The following LIG1 variants were observed in gnomAD, a reference collection of about 807,000 sequenced individuals.
LIG1 encodes the protein ligase I, DNA, ATP-dependent.
LIG1 carries 70 observed loss-of-function variants against 115.7 expected under a neutral mutation model. That is an observed-to-expected ratio of 0.60 (90% CI 0.50 to 0.74). The LOEUF (loss-of-function observed/expected upper bound fraction) is 0.74, where lower values mean the gene tolerates loss of function less well. LIG1 is among the 30% of genes least tolerant of loss of function. The pLI, the probability that LIG1 is intolerant of heterozygous loss-of-function variation, is 0.00. For synonymous variants in LIG1, 487 were observed against 495.3 expected, an observed-to-expected ratio of 0.98 and a Z score of 0.22; for missense variants, 1,115 against 1,225.6, an observed-to-expected ratio of 0.91 and a Z score of 1.35.
At chr19:48,133,942 G>A in intron 17 of LIG1, 39 bp downstream of exon 17, 1 of 1,520,332 alleles carries the variant, frequency 6.6e-7, no homozygotes, top group Non-Finnish European at 8.9e-7. Flanking sequence ...GAGGGAGCAG[G>A]GCTGCTGCCA....
chr19:48,126,228 G>A (rs568261828), intron 21 of LIG1, among the ~76,000 whole-genome samples: 1 of 152,154 alleles, frequency 6.6e-6, no homozygotes, highest in East Asian at 1.9e-4. Flanking sequence ...GGGATATGAC[G>A]GCATGTGGCC....
rs2032964569 is a variant in LIG1 at position 48,117,778 on chromosome 19, GC to G, written c.2442del (p.Leu815TrpfsTer12). 3.1e-6 allele frequency: 5 copies of G among 1,612,348 alleles called. No individual in the cohort carries two copies. Among genetic ancestry groups the G allele is most frequent in the South Asian group, 1.1e-5 (1 of 90,494 alleles). On this transcript the variant is annotated frameshift_variant and splice_region_variant, in exon 26 of 28. Coordinates refer to ENST00000263274, the MANE Select transcript of LIG1 (RefSeq NM_000234.3). LOFTEE classifies it high-confidence loss of function. The part of the protein sequence containing the change: ...ELEEHHQSLK[A>X]LVLPSPRPYV... ...TAAGGGCGTGGGCTGGGCAGCACCA[GC>G]GCCTGCAGTGAGCAGAGGAAGAGAG...
At chr19:48,141,871 C>A (rs1232754024) in intron 11 of LIG1, among the ~76,000 whole-genome samples, 1 of 152,238 alleles carries the variant, frequency 6.6e-6, no homozygotes, top group South Asian at 2.1e-4. Flanking sequence ...TGGAACAGCC[C>A]CCCCAAAATT....
intron 16 of LIG1, among the ~76,000 whole-genome samples, chr19:48,134,423 C>T (rs1385726269): frequency 6.6e-6 from 1 of 152,174 alleles, no homozygotes. Context: ...TTTGGGAGGC[C>T]GAGGTGGGTG....
intron 24 of LIG1, 149 bp downstream of exon 24, chr19:48,121,021 A>C (rs1402431009): frequency 6.6e-7 from 1 of 1,518,152 alleles, no homozygotes; most frequent in Non-Finnish European, 8.8e-7. Context: ...TGCTCATAGA[A>C]CCAGAAAAAG....
chr19:48,124,224 T>C (rs1402025273), intron 21 of LIG1, among the ~76,000 whole-genome samples: 6 of 152,244 alleles, frequency 3.9e-5, no homozygotes, highest in Admixed American at 6.5e-5. Context: ...GGACAGCTTT[T>C]TTCTGTTGTA....
intron 21 of LIG1, 68 bp from the exon 22 acceptor site, chr19:48,123,386 G>T: frequency 6.4e-7 from 1 of 1,571,672 alleles, no homozygotes; most frequent in Non-Finnish European, 8.7e-7. Flanking sequence ...AGCCCTAAAT[G>T]TGAGGCGAAC....
intron 21 of LIG1, 104 bp downstream of exon 21, chr19:48,127,173 T>A: frequency 2.2e-6 from 2 of 921,840 alleles, no homozygotes; most frequent in South Asian, 2.6e-5. Context: ...TTCCTGGCCA[T>A]GTGAAGTGGC....
intron 4 of LIG1, among the ~76,000 whole-genome samples, chr19:48,158,010 T>G (rs1330067626): frequency 6.6e-6 from 1 of 152,198 alleles, no homozygotes; most frequent in Non-Finnish European, 1.5e-5. Context: ...CTTCCTCTCC[T>G]GGTTCACATG....
At chr19:48,152,735 G>C (rs1029162348) in intron 6 of LIG1, among the ~76,000 whole-genome samples, 1 of 152,172 alleles carries the variant, frequency 6.6e-6, no homozygotes, top group African/African-American at 2.4e-5. Context: ...CAATGACATT[G>C]CATCTCTGCA....
At position 48,135,781 on chromosome 19, in the gene LIG1, TAAGAA is replaced by T. The variant is rs768295114; in HGVS notation, c.1424-7_1424-3del. 4 of 1,613,142 alleles carry T rather than the reference TAAGAA, an allele frequency of 2.5e-6. No homozygotes were observed. Among genetic ancestry groups the T allele is most frequent in the East Asian group, 4.5e-5 (2 of 44,904 alleles). On this transcript the variant is annotated splice_polypyrimidine_tract_variant and splice_region_variant and intron_variant, in intron 15 of 27. Coordinates refer to ENST00000263274, the MANE Select transcript of LIG1 (RefSeq NM_000234.3). The stretch of plus-strand genomic sequence containing the variant: ...CATCCACCATGGCTGGTGGGAATTC[TAAGAA>T]AAGACCCACCAGAGGCTTTGGAAGG...
chr19:48,123,146 C>T (rs1376535232), intron 22 of LIG1, 28 bp downstream of exon 22: 2 of 1,613,904 alleles, frequency 1.2e-6, no homozygotes, highest in African/African-American at 1.3e-5. Context: ...AGCTGCAGAC[C>T]TCAGGAGAGA....
intron 15 of LIG1, 39 bp from the exon 16 acceptor site, chr19:48,135,818 C>T: frequency 6.4e-7 from 1 of 1,557,652 alleles, no homozygotes; most frequent in South Asian, 1.1e-5. Context: ...AAGGCACCCA[C>T]ATCCTTGGCT....
intron 15 of LIG1, 50 bp from the exon 16 acceptor site, chr19:48,135,829 A>G: frequency 1.3e-6 from 2 of 1,510,938 alleles, no homozygotes; most frequent in South Asian, 2.2e-5. Context: ...ATCCTTGGCT[A>G]CACCAGGGTG....
At chr19:48,164,620 C>T (rs1400721349) in intron 2 of LIG1, among the ~76,000 whole-genome samples, 1 of 152,144 alleles carries the variant, frequency 6.6e-6, no homozygotes, top group Admixed American at 6.5e-5. Flanking sequence ...GGGGAGAGCC[C>T]GCCTGAGGGT....
chr19:48,165,260 A>G (rs947591774), intron 2 of LIG1, among the ~76,000 whole-genome samples: 2 of 149,910 alleles, frequency 1.3e-5, no homozygotes, highest in Non-Finnish European at 3.0e-5. Flanking sequence ...CTCCAACTCA[A>G]AAAAAAAAAA....
At chr19:48,145,944 C>T (rs1262536418) in intron 9 of LIG1, 1 of 152,282 alleles carries the variant, frequency 6.6e-6, no homozygotes, top group Non-Finnish European at 1.5e-5. Context: ...TGTCCCACCT[C>T]CCCGCTTTAC....
intron 4 of LIG1, among the ~76,000 whole-genome samples, chr19:48,160,104 G>A (rs550554875): frequency 3.8e-4 from 58 of 152,282 alleles, no homozygotes; most frequent in African/African-American, 1.2e-3. Flanking sequence ...AGAAATGAAC[G>A]CAGACCTGCT....
In LIG1 at chr19:48,137,015, T is replaced by C; in HGVS notation, c.1324A>G (p.Ile442Val). 1 of 1,612,434 alleles carries C rather than the reference T, an allele frequency of 6.2e-7. No homozygotes were observed. Among genetic ancestry groups the C allele is most frequent in the African/African-American group, 1.3e-5 (1 of 75,044 alleles). ...VACRHSEARF[I>V]ARSLSGRLRL... ...ACAGGCCCACACGCTTACCTAGCGA[T>C]GAACCGGGCTTCTGAGTGGCGGCAG... Residue 442 changes from isoleucine to valine, a missense_variant, in exon 14 of 28, where the codon ATC (isoleucine) becomes GTC (valine). By Grantham distance (29) the Ile-to-Val change is conservative. Transcript: ENST00000263274. This position sits in a 1 kb window ranked among gnomAD's most constrained non-coding sequence, Gnocchi z 4.3.
Sources: gnomAD v4.1 joint callset for allele counts (sites outside exome capture counted in the v4.1 genomes callset) on GRCh38, gnomAD v4.1.1 for gene constraint, Gnocchi (gnomAD v3.1) non-coding constraint, MANE v1.5 for transcripts, NCBI Gene and HGNC (gene_info 2026-07-23, HGNC 2026-07-21) for gene names.